LRRC4C: variants seen among roughly 807,000 people sequenced by gnomAD.
LRRC4C encodes leucine rich repeat containing 4C.
In LRRC4C, 5 loss-of-function variants were observed where a neutral mutation model predicts 33.6. The observed-to-expected ratio is 0.15, with a 90% CI of 0.08 to 0.31. The LOEUF is 0.31. Ranked by LOEUF, LRRC4C falls within the 10% of genes least tolerant of loss-of-function variation. The pLI, the probability that LRRC4C is intolerant of heterozygous loss-of-function variation, is 1.00. For synonymous variants in LRRC4C, 329 were observed against 302.0 expected (o/e 1.09, Z -0.93); for missense variants, 560 against 796.7 (o/e 0.70, Z 3.58).
At chr11:41,296,183 A>C (rs1362077844) in intron 1 of LRRC4C, among the ~76,000 whole-genome samples, 1 of 152,214 alleles carries the variant, frequency 6.6e-6, no homozygotes, top group African/African-American at 2.4e-5. Flanking sequence ...CTCAGAAACC[A>C]ATATTGCATT....
chr11:40,672,596 T>C (rs1944182516), intron 2 of LRRC4C, among the ~76,000 whole-genome samples: 1 of 152,238 alleles, frequency 6.6e-6, no homozygotes, highest in Non-Finnish European at 1.5e-5. Flanking sequence ...AGGAAAACTG[T>C]TGTTAACACC....
intron 1 of LRRC4C, among the ~76,000 whole-genome samples, chr11:41,341,959 G>C (rs950113892): frequency 6.6e-6 from 1 of 152,200 alleles, no homozygotes; most frequent in Non-Finnish European, 1.5e-5. Flanking sequence ...AGAATTGACT[G>C]TATGTTATCT....
intron 3 of LRRC4C, among the ~76,000 whole-genome samples, chr11:40,524,010 C>T (rs920099084): frequency 2.6e-5 from 4 of 152,098 alleles, no homozygotes; most frequent in African/African-American, 9.7e-5. Context: ...ACTTTAATGG[C>T]AATAAAGTTG....
intron 4 of LRRC4C, among the ~76,000 whole-genome samples, chr11:40,304,357 A>T (rs1412157091): frequency 6.6e-6 from 1 of 152,194 alleles, no homozygotes; most frequent in Non-Finnish European, 1.5e-5. Context: ...CAAAAAGAAA[A>T]GGAAAGTCAA....
At chr11:41,368,001 A>G (rs1360424458) in intron 1 of LRRC4C, among the ~76,000 whole-genome samples, 2 of 152,194 alleles carry the variant, frequency 1.3e-5, no homozygotes, top group Non-Finnish European at 2.9e-5. Context: ...GCCAAAATGT[A>G]CCAAGTCATT....
At chr11:40,781,773 G>T (rs1950219875) in intron 2 of LRRC4C, among the ~76,000 whole-genome samples, 1 of 152,110 alleles carries the variant, frequency 6.6e-6, no homozygotes, top group South Asian at 2.1e-4. Flanking sequence ...TTGAGAAATG[G>T]GTTCTCCCAA....
chr11:40,639,179 C>A (rs1483409337), intron 3 of LRRC4C, among the ~76,000 whole-genome samples: 3 of 151,470 alleles, frequency 2.0e-5, no homozygotes, highest in Non-Finnish European at 2.9e-5. Flanking sequence ...AAAAAAAACT[C>A]TCTAGTTTCC....
intron 1 of LRRC4C, among the ~76,000 whole-genome samples, chr11:41,103,081 T>C (rs1302578821): frequency 2.0e-5 from 3 of 151,982 alleles, no homozygotes; most frequent in Non-Finnish European, 2.9e-5. Flanking sequence ...ATTATAAATA[T>C]GTATACTCTA....
chr11:40,686,498 G>A (rs910334965), intron 2 of LRRC4C, among the ~76,000 whole-genome samples: 7 of 151,780 alleles, frequency 4.6e-5, no homozygotes, highest in African/African-American at 7.3e-5. Context: ...CACCGGGGGC[G>A]GCCCAGACGT....
At chr11:41,004,271 T>A (rs1043765977) in intron 1 of LRRC4C, among the ~76,000 whole-genome samples, 4 of 152,210 alleles carry the variant, frequency 2.6e-5, no homozygotes, top group East Asian at 3.9e-4. Context: ...TCAAATTTAA[T>A]GGCCCCTGTA....
chr11:40,851,158 C>T (rs184173515), intron 2 of LRRC4C, among the ~76,000 whole-genome samples: 1 of 152,060 alleles, frequency 6.6e-6, no homozygotes, highest in Non-Finnish European at 1.5e-5. Context: ...GCTGGCTTTC[C>T]AGGCGTCACT....
chr11:40,585,855 C>T (rs1958710303), intron 3 of LRRC4C, among the ~76,000 whole-genome samples: 1 of 135,738 alleles, frequency 7.4e-6, no homozygotes, highest in African/African-American at 2.7e-5. Context: ...GCCAAATTTT[C>T]TTAATCCAGT....
chr11:40,813,094 A>T lies in LRRC4C; in HGVS notation c.-407+120541T>A, dbSNP rs77950847. ...GCAAGGTTGAGTTTGCTCAGTATGT[A>T]CAGTTACAAAATGATGCCAGAATAA... On this transcript the variant is annotated intron_variant, in intron 2 of 6. Coordinates refer to ENST00000528697, the MANE Select transcript of LRRC4C (RefSeq NM_001258419.2). Among the ~76,000 whole-genome samples the T allele has an allele frequency of 6.1e-3, 933 of 152,310 alleles. 6 individuals carry two copies. Among genetic ancestry groups the T allele is most frequent in the African/African-American group, 0.021 (888 of 41,568 alleles).
At chr11:40,959,482 A>G (rs1178089197) in intron 1 of LRRC4C, among the ~76,000 whole-genome samples, 1 of 151,712 alleles carries the variant, frequency 6.6e-6, no homozygotes, top group Non-Finnish European at 1.5e-5. Context: ...ATCAATGGAC[A>G]TAATTATATT....
intron 3 of LRRC4C, among the ~76,000 whole-genome samples, chr11:40,465,298 C>A (rs575884361): frequency 4.6e-5 from 7 of 151,910 alleles, no homozygotes; most frequent in Non-Finnish European, 1.0e-4. Flanking sequence ...TCAGGATATA[C>A]AAAAATTATC....
At chr11:41,183,353 T>C (rs768936856) in intron 1 of LRRC4C, among the ~76,000 whole-genome samples, 1 of 152,184 alleles carries the variant, frequency 6.6e-6, no homozygotes, top group Non-Finnish European at 1.5e-5. Flanking sequence ...AAGTACATTG[T>C]ATGTACTTCC....
chr11:40,368,742 A>G (rs1454162617), intron 3 of LRRC4C, among the ~76,000 whole-genome samples: 2 of 152,210 alleles, frequency 1.3e-5, no homozygotes, highest in Admixed American at 6.5e-5. Flanking sequence ...TTGCCATACA[A>G]AGATAAGTCC....
At chr11:40,618,893 A>G (rs919880166) in intron 3 of LRRC4C, among the ~76,000 whole-genome samples, 2 of 151,758 alleles carry the variant, frequency 1.3e-5, no homozygotes, top group East Asian at 1.9e-4. Flanking sequence ...CTATTTGTAC[A>G]TCTATAAATG....
intron 5 of LRRC4C, among the ~76,000 whole-genome samples, chr11:40,228,096 T>A (rs1396734636): frequency 6.6e-6 from 1 of 152,200 alleles, no homozygotes; most frequent in Non-Finnish European, 1.5e-5. Context: ...AGAAGCTTTT[T>A]CTCTTTCTGT....
Sources: gnomAD v4.1 joint callset for allele counts (sites outside exome capture counted in the v4.1 genomes callset) on GRCh38, gnomAD v4.1.1 for gene constraint, MANE v1.5 for transcripts, NCBI Gene and HGNC (gene_info 2026-07-23, HGNC 2026-07-21) for gene names.